Variants in WDR7 observed in about 807,000 individuals in gnomAD.
WDR7 encodes the protein WD repeat-containing protein 7.
WDR7 carries 46 observed loss-of-function variants against 169.4 expected under a neutral mutation model. The observed-to-expected ratio is 0.27, with a 90% CI of 0.21 to 0.35. WDR7 has a LOEUF of 0.35. WDR7 is among the 10% of genes least tolerant of loss of function. The pLI, the probability that WDR7 is intolerant of heterozygous loss-of-function variation, is 1.00. For synonymous variants in WDR7, 612 were observed against 666.8 expected, an observed-to-expected ratio of 0.92 and a Z score of 1.27; for missense variants, 1,534 against 1,859.3, an observed-to-expected ratio of 0.83 and a Z score of 3.22.
intron 20 of WDR7, among the ~76,000 whole-genome samples, chr18:56,823,647 A>G (rs2045142284): frequency 6.6e-6 from 1 of 152,008 alleles, no homozygotes; most frequent in East Asian, 1.9e-4. Flanking sequence ...CTTCTTTCAT[A>G]TGTATACCTC....
chr18:57,032,755 T>C, downstream of WDR7: 1 of 164,724 alleles, frequency 6.1e-6, no homozygotes, highest in Non-Finnish European at 1.2e-5. Context: ...GAAAACAAGC[T>C]CAGGGCTCTC....
chr18:56,759,686 AAAG>A (rs1358138274), intron 16 of WDR7, among the ~76,000 whole-genome samples: 1 of 152,210 alleles, frequency 6.6e-6, no homozygotes, highest in African/African-American at 2.4e-5. Context: ...AGAGAAAAGT[AAAG>A]AAGTAAGCAA....
intron 21 of WDR7, among the ~76,000 whole-genome samples, chr18:56,907,693 CAAGGTA>C (rs1284890169): frequency 1.3e-5 from 2 of 152,080 alleles, no homozygotes; most frequent in African/African-American, 4.8e-5. Flanking sequence ...CTAGGAAGTC[CAAGGTA>C]AAGACTCTAG....
chr18:56,998,634 G>A (rs2047932256), intron 26 of WDR7, among the ~76,000 whole-genome samples: 1 of 152,162 alleles, frequency 6.6e-6, no homozygotes, highest in Admixed American at 6.5e-5. Flanking sequence ...CCACTTCAAT[G>A]AGTTTGCCAT....
chr18:56,880,799 C>T (rs1318780553), intron 21 of WDR7, among the ~76,000 whole-genome samples: 1 of 152,154 alleles, frequency 6.6e-6, no homozygotes, highest in East Asian at 1.9e-4. Flanking sequence ...TCATTCTACT[C>T]TCTTTGGTTC....
At chr18:56,926,315 A>G (rs2046807370) in intron 22 of WDR7, among the ~76,000 whole-genome samples, 1 of 152,108 alleles carries the variant, frequency 6.6e-6, no homozygotes, top group African/African-American at 2.4e-5. Flanking sequence ...CCACACATCA[A>G]CAGTGTTGGC....
At chr18:56,693,785 T>G (rs1332061102) in intron 9 of WDR7, among the ~76,000 whole-genome samples, 1 of 152,088 alleles carries the variant, frequency 6.6e-6, no homozygotes, top group African/African-American at 2.4e-5. Context: ...TTGGCCAGGC[T>G]GGTCTTGAAC....
At chr18:56,764,420 G>A (rs2044029177) in intron 16 of WDR7, among the ~76,000 whole-genome samples, 1 of 151,930 alleles carries the variant, frequency 6.6e-6, no homozygotes, top group South Asian at 2.1e-4. Context: ...TTATATATGG[G>A]CCAATAACAT....
At chr18:56,689,226 T>G (rs1391364888) in intron 7 of WDR7, among the ~76,000 whole-genome samples, 1 of 152,148 alleles carries the variant, frequency 6.6e-6, no homozygotes, top group African/African-American at 2.4e-5. Flanking sequence ...ATTCAAATCT[T>G]TCATTTTCCC....
chr18:56,958,345 G>A (rs545566902), intron 25 of WDR7, among the ~76,000 whole-genome samples: 1 of 152,196 alleles, frequency 6.6e-6, no homozygotes, highest in Admixed American at 6.5e-5. Flanking sequence ...AACAATGATT[G>A]ATAAATGATT....
At chr18:56,855,515 C>G (rs2045707421) in intron 20 of WDR7, among the ~76,000 whole-genome samples, 2 of 152,182 alleles carry the variant, frequency 1.3e-5, no homozygotes, top group African/African-American at 4.8e-5. Flanking sequence ...TTCCTACAGA[C>G]ATAAAAGCTG....
chr18:56,967,962 C>T (rs1486681659), intron 26 of WDR7, among the ~76,000 whole-genome samples: 1 of 152,166 alleles, frequency 6.6e-6, no homozygotes, highest in Non-Finnish European at 1.5e-5. Context: ...ATGCAGCCAT[C>T]CATTTTGCCT....
intron 16 of WDR7, among the ~76,000 whole-genome samples, chr18:56,762,072 C>A (rs1468523840): frequency 6.6e-6 from 1 of 151,986 alleles, no homozygotes; most frequent in Non-Finnish European, 1.5e-5. Context: ...TTTTATCATA[C>A]CTTTTCTGTA....
At chr18:56,663,865 TAAA>T (rs976269673) in intron 1 of WDR7, among the ~76,000 whole-genome samples, 1 of 150,894 alleles carries the variant, frequency 6.6e-6, no homozygotes, top group Non-Finnish European at 1.5e-5. Flanking sequence ...CATATCAAAT[TAAA>T]AAAAAACAAC....
intron 26 of WDR7, among the ~76,000 whole-genome samples, chr18:56,999,733 T>A (rs901867446): frequency 1.3e-5 from 2 of 152,122 alleles, no homozygotes; most frequent in Non-Finnish European, 2.9e-5. Context: ...TATCATCTTA[T>A]ACAATAAATC....
intron 1 of WDR7, among the ~76,000 whole-genome samples, chr18:56,667,604 T>TA (rs1207434121): frequency 6.6e-6 from 1 of 152,216 alleles, no homozygotes; most frequent in Non-Finnish European, 1.5e-5. Flanking sequence ...AAATTGTCGA[T>TA]ACTTCCCTAG....
intron 21 of WDR7, among the ~76,000 whole-genome samples, chr18:56,903,122 T>C (rs1393342954): frequency 6.6e-6 from 1 of 152,194 alleles, no homozygotes. Flanking sequence ...TTTTGTTTTA[T>C]ACTTAATAGC....
intron 19 of WDR7, among the ~76,000 whole-genome samples, chr18:56,802,660 A>C (rs758503531): frequency 2.6e-5 from 4 of 151,568 alleles, no homozygotes; most frequent in South Asian, 2.1e-4. Flanking sequence ...GAGCCACCGC[A>C]CCTGGCCCAA....
chr18:56,679,214 G>C, intron 2 of WDR7, 118 bp from the exon 3 acceptor site: 1 of 739,006 alleles, frequency 1.4e-6, no homozygotes, highest in South Asian at 2.6e-5. Context: ...CCAGGGGCTA[G>C]AATAAAAAAT....
Sources: allele counts gnomAD v4.1 joint callset (sites outside exome capture counted in the v4.1 genomes callset), GRCh38; gene constraint gnomAD v4.1.1; transcripts MANE v1.5; gene names NCBI Gene and HGNC (gene_info 2026-07-23, HGNC 2026-07-21).